The following COL21A1 variants were observed in gnomAD, a reference collection of about 807,000 sequenced individuals.
The protein encoded by COL21A1 is collagen alpha-1(XXI) chain.
Under a neutral mutation model 137.9 loss-of-function variants are expected in COL21A1, and 149 were observed. That is an observed-to-expected ratio of 1.08 (90% CI 0.95 to 1.24). The LOEUF (loss-of-function observed/expected upper bound fraction) is 1.24, where lower values mean the gene tolerates loss of function less well. Among genes scored for constraint, COL21A1 ranks in the 50% most tolerant of loss-of-function variants. COL21A1 has a pLI of 0.00. For synonymous variants in COL21A1, 456 were observed against 391.5 expected (o/e 1.16, Z -1.95); for missense variants, 1,167 against 1,158.4 (o/e 1.01, Z -0.11).
intron 17 of COL21A1, among the ~76,000 whole-genome samples, chr6:56,100,127 C>A (rs1770322118): frequency 6.6e-6 from 1 of 152,226 alleles, no homozygotes; most frequent in African/African-American, 2.4e-5. Context: ...GCAACAGAGA[C>A]CCTTCTCTGC....
At chr6:56,126,262 A>G (rs1242839718) in intron 12 of COL21A1, 113 bp from the exon 13 acceptor site, 1 of 664,246 alleles carries the variant, frequency 1.5e-6, no homozygotes, top group Non-Finnish European at 2.6e-6. Flanking sequence ...CTATCTGCAA[A>G]CAGTTAATTT....
intron 1 of COL21A1, among the ~76,000 whole-genome samples, chr6:56,305,663 A>G (rs1371176350): frequency 6.6e-6 from 1 of 152,138 alleles, no homozygotes; most frequent in Non-Finnish European, 1.5e-5. Context: ...AATACAACAC[A>G]CTGATGGGTC....
At chr6:56,141,652 C>T in intron 12 of COL21A1, 133 bp downstream of exon 12, 1 of 844,504 alleles carries the variant, frequency 1.2e-6, no homozygotes, top group Non-Finnish European at 2.0e-6. Context: ...TGTCTAATAG[C>T]CACTGACAAA....
Position 56,176,866 on chromosome 6 carries a change from GGGGAGGAAAGAGGAGGAAGGGGGAGGAAA to G in COL21A1, c.640+2683_640+2711del, listed in dbSNP as rs980415571. On this transcript the variant is annotated intron_variant, in intron 3 of 29. Coordinates refer to ENST00000244728, the MANE Select transcript of COL21A1 (RefSeq NM_030820.4). ...AGAAGAAGAATGAAGGGAGAGGAAA[GGGGAGGAAAGAGGAGGAAGGGGGAGGAAA>G]GGGAGGAAAGGGGAGGAAGGGGGAG... 4.9e-5 allele frequency among the ~76,000 whole-genome samples: 7 copies of G among 144,034 alleles called. No individual in the cohort carries two copies. In the East Asian group the frequency reaches 6.4e-4, roughly 13 times the overall value. 94.5% of individuals were successfully genotyped at this position (144,034 alleles called of 152,430 possible). A position where few individuals can be genotyped will look rare whatever the true frequency, so the allele number is the denominator to read the frequency against.
chr6:56,375,526 C>T (rs1045742124), intron 1 of COL21A1, among the ~76,000 whole-genome samples: 6 of 152,122 alleles, frequency 3.9e-5, no homozygotes, highest in Non-Finnish European at 5.9e-5. Flanking sequence ...TCCCCTTCTT[C>T]TTGCCCTGTC....
At chr6:56,068,354 A>G (rs1211797170) in intron 22 of COL21A1, among the ~76,000 whole-genome samples, 1 of 151,604 alleles carries the variant, frequency 6.6e-6, no homozygotes, top group Non-Finnish European at 1.5e-5. Flanking sequence ...AACCTGAAAC[A>G]TTTGTATTTG....
chr6:56,065,334 C>A (rs1766147564), intron 23 of COL21A1, among the ~76,000 whole-genome samples: 1 of 151,964 alleles, frequency 6.6e-6, no homozygotes, highest in African/African-American at 2.4e-5. Context: ...GTAATGAATT[C>A]ATCAATTTAA....
chr6:56,174,458 A>G lies in COL21A1; in HGVS notation c.641-3330T>C, dbSNP rs1777301943. Among the ~76,000 whole-genome samples, 2 of 152,070 alleles carry G rather than the reference A, an allele frequency of 1.3e-5. 1 individual carries two copies. Among genetic ancestry groups the G allele is most frequent in the Admixed American group, 1.3e-4 (2 of 15,270 alleles). The stretch of plus-strand genomic sequence containing the variant: ...AGTAAAAACAGAGAAGACTCAAAAC[A>G]GGAAGTGAAAGAAGAGATATTACAA... On this transcript the variant is annotated intron_variant, in intron 3 of 29. Coordinates refer to ENST00000244728, the MANE Select transcript of COL21A1 (RefSeq NM_030820.4).
intron 1 of COL21A1, among the ~76,000 whole-genome samples, chr6:56,347,568 G>A (rs1292876782): frequency 7.0e-6 from 1 of 142,636 alleles, no homozygotes; most frequent in East Asian, 2.1e-4. Flanking sequence ...CTACATCTCA[G>A]ACCAGATAAT....
At chr6:56,098,568 TATATATAA>T (rs1769990383) in intron 17 of COL21A1, among the ~76,000 whole-genome samples, 1 of 14,672 alleles carries the variant, frequency 6.8e-5, no homozygotes, top group African/African-American at 3.0e-4. Flanking sequence ...AATATATAAA[TATATATAA>T]ATATATATAA....
intron 10 of COL21A1, among the ~76,000 whole-genome samples, chr6:56,148,296 T>C (rs561847611): frequency 6.7e-6 from 1 of 149,764 alleles, no homozygotes; most frequent in Non-Finnish European, 1.5e-5. Flanking sequence ...AGTTCATTTG[T>C]AGTAAATGGT....
At chr6:56,159,705 T>A (rs114194118) in intron 9 of COL21A1, among the ~76,000 whole-genome samples, 3,797 of 150,592 alleles carry the variant, frequency 0.025, 91 homozygotes, top group Middle Eastern at 0.072. Flanking sequence ...TTTTGTCTGA[T>A]ATGCTTCAAA....
chr6:56,185,384 T>C (rs1159522737), intron 1 of COL21A1, among the ~76,000 whole-genome samples: 4 of 150,534 alleles, frequency 2.7e-5, no homozygotes, highest in Admixed American at 1.3e-4. Context: ...CTACAGATTG[T>C]ATAAACATTA....
At chr6:56,070,324 C>T (rs1766632746) in intron 21 of COL21A1, among the ~76,000 whole-genome samples, 1 of 151,538 alleles carries the variant, frequency 6.6e-6, no homozygotes, top group African/African-American at 2.4e-5. Context: ...TTGAAATAAA[C>T]ATCAACCCAT....
At chr6:56,252,482 T>C (rs1782877009), upstream of COL21A1, among the ~76,000 whole-genome samples, 1 of 152,180 alleles carries the variant, frequency 6.6e-6, no homozygotes, top group Admixed American at 6.5e-5. Context: ...TTTGGAAATA[T>C]ATGAGTAGCT....
At chr6:56,260,655 GGAAT>G (rs770657552) in intron 1 of COL21A1, among the ~76,000 whole-genome samples, 17,829 of 62,210 alleles carry the variant, frequency 0.29, 1,967 homozygotes, top group Non-Finnish European at 0.32. Context: ...AAGGAAGGAA[GGAAT>G]GAAGGAAGGA....
intron 1 of COL21A1, among the ~76,000 whole-genome samples, chr6:56,328,870 A>C (rs1765160010): frequency 6.6e-6 from 1 of 152,082 alleles, no homozygotes; most frequent in African/African-American, 2.4e-5. Flanking sequence ...GCAGCTCCTA[A>C]CACCATGACC....
At chr6:56,112,546 A>G (rs1771521259) in intron 16 of COL21A1, among the ~76,000 whole-genome samples, 1 of 152,106 alleles carries the variant, frequency 6.6e-6, no homozygotes, top group African/African-American at 2.4e-5. Context: ...AGTGGAAAGC[A>G]TTTCTGGGTG....
intron 10 of COL21A1, among the ~76,000 whole-genome samples, chr6:56,143,723 C>G (rs906954597): frequency 6.6e-6 from 1 of 152,182 alleles, no homozygotes; most frequent in Non-Finnish European, 1.5e-5. Flanking sequence ...TCCAACCCAT[C>G]ATCTGTTCGC....
Sources: gnomAD v4.1 joint callset for allele counts (sites outside exome capture counted in the v4.1 genomes callset) on GRCh38, gnomAD v4.1.1 for gene constraint, MANE v1.5 for transcripts, NCBI Gene and HGNC (gene_info 2026-07-23, HGNC 2026-07-21) for gene names.